The following NCAM1 variants were observed in gnomAD, a reference collection of about 807,000 sequenced individuals.
NCAM1 encodes neural cell adhesion molecule 1.
NCAM1 carries 14 observed loss-of-function variants against 109.8 expected under a neutral mutation model. The observed-to-expected ratio is 0.13, with a 90% CI of 0.08 to 0.20. NCAM1 has a LOEUF of 0.20. Among genes scored for constraint, NCAM1 ranks in the 10% least tolerant of loss-of-function variants. NCAM1 has a pLI of 1.00. For missense variants in NCAM1, 774 were observed against 1,109.9 expected (o/e 0.70, Z 4.30); for synonymous variants, 418 against 442.9 (o/e 0.94, Z 0.70).
chr11:113,011,425 G>A (rs557072736), intron 1 of NCAM1, among the ~76,000 whole-genome samples: 299 of 151,760 alleles, frequency 2.0e-3, no homozygotes, highest in African/African-American at 7.1e-3. Flanking sequence ...ATAAACATAC[G>A]TGTGCATGTG....
intron 1 of NCAM1, among the ~76,000 whole-genome samples, chr11:113,026,660 G>T (rs914583058): frequency 1.3e-5 from 2 of 152,190 alleles, no homozygotes; most frequent in Non-Finnish European, 2.9e-5. Flanking sequence ...GAAAGCACAA[G>T]CTCTGAAAAC....
chr11:113,263,430 G>A (rs1946061937), intron 17 of NCAM1: 1 of 988,664 alleles, frequency 1.0e-6, no homozygotes, highest in Non-Finnish European at 1.2e-6. Flanking sequence ...CATGTTAAAA[G>A]AGCCAGACCG....
chr11:112,982,064 G>C (rs1229473421), intron 1 of NCAM1, among the ~76,000 whole-genome samples: 1 of 151,784 alleles, frequency 6.6e-6, no homozygotes, highest in Non-Finnish European at 1.5e-5. Context: ...ACTTCCTTTG[G>C]CAATTGGGAT....
intron 14 of NCAM1, among the ~76,000 whole-genome samples, chr11:113,244,410 C>G (rs1945435624): frequency 6.6e-6 from 1 of 152,176 alleles, no homozygotes; most frequent in Non-Finnish European, 1.5e-5. Context: ...TATTTTGAAC[C>G]ACTTGACTAC....
intron 1 of NCAM1, among the ~76,000 whole-genome samples, chr11:113,052,129 GT>G (rs1390248813): frequency 6.6e-6 from 1 of 152,180 alleles, no homozygotes; most frequent in Non-Finnish European, 1.5e-5. Context: ...ATCTGTGTGG[GT>G]AGTAAGTTGT....
At chr11:113,174,457 A>G (rs1393831391) in intron 1 of NCAM1, among the ~76,000 whole-genome samples, 2 of 152,226 alleles carry the variant, frequency 1.3e-5, no homozygotes, top group Non-Finnish European at 2.9e-5. Flanking sequence ...AAAGAAAAAA[A>G]TCTGCAACAG....
chr11:113,111,968 T>C (rs1940467073), intron 1 of NCAM1, among the ~76,000 whole-genome samples: 2 of 152,214 alleles, frequency 1.3e-5, no homozygotes, highest in Non-Finnish European at 2.9e-5. Flanking sequence ...TATTGGCACA[T>C]GTTTACTATG....
At chr11:113,134,346 C>A (rs1366754264) in intron 1 of NCAM1, among the ~76,000 whole-genome samples, 1 of 152,014 alleles carries the variant, frequency 6.6e-6, no homozygotes, top group African/African-American at 2.4e-5. Flanking sequence ...AATAATATTT[C>A]ATTGTAGATA....
intron 1 of NCAM1, among the ~76,000 whole-genome samples, chr11:112,985,003 T>G (rs1951260492): frequency 6.6e-6 from 1 of 151,938 alleles, no homozygotes; most frequent in Non-Finnish European, 1.5e-5. Flanking sequence ...CCCCTGTATT[T>G]CCTTCTAAGA....
At chr11:113,122,275 A>G (rs563380980) in intron 1 of NCAM1, among the ~76,000 whole-genome samples, 2 of 152,336 alleles carry the variant, frequency 1.3e-5, no homozygotes, top group South Asian at 4.1e-4. Context: ...AACCCAGTAG[A>G]AGTTCAGTAG....
chr11:113,083,240 T>A (rs1353577362), intron 1 of NCAM1, among the ~76,000 whole-genome samples: 2 of 152,168 alleles, frequency 1.3e-5, no homozygotes, highest in Non-Finnish European at 2.9e-5. Flanking sequence ...TTCATCCTTA[T>A]AACATACACT....
At chr11:113,021,766 T>G (rs1952392541) in intron 1 of NCAM1, among the ~76,000 whole-genome samples, 1 of 152,226 alleles carries the variant, frequency 6.6e-6, no homozygotes, top group Non-Finnish European at 1.5e-5. Flanking sequence ...ACAAGAAATT[T>G]TTGTGGCTTT....
chr11:113,181,690 A>G (rs959968685), intron 1 of NCAM1, among the ~76,000 whole-genome samples: 2 of 149,482 alleles, frequency 1.3e-5, no homozygotes, highest in Non-Finnish European at 2.9e-5. Context: ...AATATTTAAG[A>G]AAAAAAAGAG....
intron 1 of NCAM1, among the ~76,000 whole-genome samples, chr11:113,035,637 A>G (rs1555079054): frequency 6.6e-6 from 1 of 152,248 alleles, no homozygotes; most frequent in East Asian, 1.9e-4. Context: ...TGTGAAGCCC[A>G]TATCATCTAA....
intron 1 of NCAM1, among the ~76,000 whole-genome samples, chr11:113,038,582 TTGGCTTGGGGC>T (rs1484217464): frequency 1.6e-4 from 24 of 152,186 alleles, no homozygotes; most frequent in Admixed American, 1.6e-3. Flanking sequence ...GTAGATCTGC[TTGGCTTGGGGC>T]TGGTACCAAT....
intron 1 of NCAM1, among the ~76,000 whole-genome samples, chr11:113,164,053 G>C (rs782077815): frequency 2.6e-5 from 4 of 152,150 alleles, no homozygotes; most frequent in Non-Finnish European, 5.9e-5. Flanking sequence ...CCCTCCCCTT[G>C]TGCAGATATC....
intron 8 of NCAM1, among the ~76,000 whole-genome samples, chr11:113,220,433 T>C (rs1167158978): frequency 6.6e-6 from 1 of 152,122 alleles, no homozygotes; most frequent in Admixed American, 6.6e-5. Flanking sequence ...TCATTCCTAG[T>C]GTACCTCTCT....
At chr11:113,263,456 G>A (rs1946062880) in intron 17 of NCAM1, 1 of 985,898 alleles carries the variant, frequency 1.0e-6, no homozygotes, top group Non-Finnish European at 1.2e-6. Context: ...ATTCACATGA[G>A]CGTTTTGCTG....
intron 1 of NCAM1, among the ~76,000 whole-genome samples, chr11:113,086,471 A>G (rs2135723144): frequency 6.6e-6 from 1 of 152,352 alleles, no homozygotes; most frequent in Admixed American, 6.5e-5. Flanking sequence ...AGGGCAGAGC[A>G]ATCTGATATT....
Sources: gnomAD v4.1 joint callset for allele counts (sites outside exome capture counted in the v4.1 genomes callset) on GRCh38, gnomAD v4.1.1 for gene constraint, MANE v1.5 for transcripts, NCBI Gene and HGNC (gene_info 2026-07-23, HGNC 2026-07-21) for gene names.